RPIA: variants seen among roughly 807,000 people sequenced by gnomAD.
RPIA encodes the protein ribose 5-phosphate isomerase A, also known as ribose-5-phosphate isomerase.
In RPIA, 29 loss-of-function variants were observed where a neutral mutation model predicts 37.8. The observed-to-expected ratio is 0.77, with a 90% CI of 0.57 to 1.05. The LOEUF is 1.05. Ranked by LOEUF, RPIA falls within the 50% of genes least tolerant of loss-of-function variation. RPIA has a pLI of 0.00. For missense variants in RPIA, 385 were observed against 413.6 expected, an observed-to-expected ratio of 0.93 and a Z score of 0.60; for synonymous variants, 167 against 157.0, an observed-to-expected ratio of 1.06 and a Z score of -0.48.
chr2:88,741,302 C>T (rs1250329393), intron 8 of RPIA, among the ~76,000 whole-genome samples: 1 of 152,166 alleles, frequency 6.6e-6, no homozygotes, highest in African/African-American at 2.4e-5. Context: ...TAAGTGAGAA[C>T]ATACGATGTT....
At chr2:88,696,607 A>G (rs972252014) in intron 1 of RPIA, among the ~76,000 whole-genome samples, 18 of 152,160 alleles carry the variant, frequency 1.2e-4, no homozygotes, top group African/African-American at 4.1e-4. Flanking sequence ...TAAAACAAAT[A>G]TATGTCAAAG....
In RPIA at chr2:88,750,035, T is replaced by A; in HGVS notation, c.893T>A (p.Met298Lys). 6.2e-7 allele frequency: 1 copy of A among 1,613,514 alleles called. No individual in the cohort carries two copies. Among genetic ancestry groups the A allele is most frequent in the Non-Finnish European group, 8.5e-7 (1 of 1,179,642 alleles). Residue 298 changes from methionine to lysine, a missense_variant, in exon 9 of 9, where the codon ATG (methionine) becomes AAG (lysine). Around this residue, in one of 2 missense-constraint regions of RPIA, gnomAD observed 153 missense variants for 210.6 expected, o/e 0.73. Transcript: ENST00000283646. ...INMAERVYFG[M>K]QDGSVNMREK... ...ATGGCTGAGAGAGTCTACTTTGGGATGCAGGATGGCTCAGTGAACATGAGG... is the reference window on the plus strand; with the variant it reads ...ATGGCTGAGAGAGTCTACTTTGGGAAGCAGGATGGCTCAGTGAACATGAGG...
intron 2 of RPIA, 97 bp downstream of exon 2, chr2:88,698,641 CT>C (rs1331378904): frequency 1.3e-5 from 15 of 1,113,698 alleles, no homozygotes; most frequent in Non-Finnish European, 1.7e-5. Flanking sequence ...TGGCATTGCC[CT>C]TTTGGCTTCA....
intron 3 of RPIA, 87 bp downstream of exon 3, chr2:88,700,151 A>G: frequency 7.9e-7 from 1 of 1,268,806 alleles, no homozygotes; most frequent in Non-Finnish European, 1.2e-6. Flanking sequence ...CTTGTCTTGT[A>G]CCTCAAGGTT....
intron 3 of RPIA, among the ~76,000 whole-genome samples, chr2:88,726,091 G>C (rs1437556614): frequency 6.6e-6 from 1 of 152,182 alleles, no homozygotes; most frequent in Non-Finnish European, 1.5e-5. Flanking sequence ...CTCAGGGCTT[G>C]CAGAAGTTGA....
intron 6 of RPIA, among the ~76,000 whole-genome samples, 153 bp downstream of exon 6, chr2:88,735,890 C>T (rs1358428557): frequency 2.0e-5 from 3 of 152,166 alleles, no homozygotes; most frequent in African/African-American, 7.2e-5. Context: ...TCTAGGAGAC[C>T]TTATGTTCTG....
At chr2:88,699,901 T>G in intron 2 of RPIA, 108 bp from the exon 3 acceptor site, 1 of 1,186,520 alleles carries the variant, frequency 8.4e-7, no homozygotes, top group South Asian at 1.2e-5. Context: ...GGCAGCTGTC[T>G]TTGGGAAATA....
chr2:88,699,730 A>G (rs77005942), intron 2 of RPIA, among the ~76,000 whole-genome samples: 2,808 of 152,348 alleles, frequency 0.018, 36 homozygotes, highest in Non-Finnish European at 0.029. Flanking sequence ...GTTCATATAT[A>G]CAAAGTTCTT....
intron 3 of RPIA, among the ~76,000 whole-genome samples, chr2:88,725,241 C>T (rs1022195156): frequency 2.6e-5 from 4 of 152,112 alleles, no homozygotes; most frequent in African/African-American, 9.7e-5. Flanking sequence ...GCTGCATATG[C>T]TCACTGAGCC....
intron 2 of RPIA, among the ~76,000 whole-genome samples, chr2:88,698,791 G>A (rs192682335): frequency 8.9e-4 from 135 of 152,328 alleles, no homozygotes; most frequent in African/African-American, 3.1e-3. Context: ...AGCTGGAGGG[G>A]AGGAGCTGAC....
intron 8 of RPIA, among the ~76,000 whole-genome samples, chr2:88,748,186 C>T (rs1309976720): frequency 3.3e-5 from 5 of 152,204 alleles, no homozygotes; most frequent in Admixed American, 1.3e-4. Context: ...CAACTCCTCC[C>T]GCCCCACCCC....
chr2:88,691,791 G>A lies in RPIA; in HGVS notation c.93G>A (p.Gly31=), dbSNP rs567952611. Reference sequence around the variant, plus strand: ...GGGGCGCGGCCTCCGGCGGAGGAGGGAACAGCTGGGACCTCCCGGGTTCCC... The same window carrying A: ...GGGGCGCGGCCTCCGGCGGAGGAGGAAACAGCTGGGACCTCCCGGGTTCCC... ...RAGGAASGGG[G]NSWDLPGSHV... Residue 31 remains glycine (G), a synonymous_variant, in exon 1 of 9, where the codon GGG becomes GGA. Transcript: ENST00000283646. 76 of 1,593,912 alleles carry A rather than the reference G, an allele frequency of 4.8e-5. No homozygotes were observed. Among genetic ancestry groups the A allele is most frequent in the Middle Eastern group, 3.9e-4 (2 of 5,104 alleles).
chr2:88,691,920 G>C lies in RPIA; in HGVS notation c.222G>C (p.Thr74=). 1 of 1,596,530 alleles carries C rather than the reference G, an allele frequency of 6.3e-7. No homozygotes were observed. Among genetic ancestry groups the C allele is most frequent in the South Asian group, 1.1e-5 (1 of 88,178 alleles). The change falls in exon 1 of 9, where the codon ACG becomes ACC. Residue 74 remains threonine (T), a synonymous_variant. Transcript: ENST00000283646. ...DSNSICPAPS[T]MSKAEEAKKL... ...ACAGCATCTGCCCGGCCCCCTCCAC[G>C]ATGTCCAAGGCCGAGGAGGCCAAGA... is the stretch of plus-strand genomic sequence containing the variant.
intron 1 of RPIA, among the ~76,000 whole-genome samples, 186 bp downstream of exon 1, chr2:88,692,169 T>A (rs1676945152): frequency 6.6e-6 from 1 of 152,284 alleles, no homozygotes; most frequent in Admixed American, 6.5e-5. Context: ...ACCTTTTAGA[T>A]GTGGAATCGG....
At chr2:88,709,214 A>G (rs1253766996) in intron 3 of RPIA, among the ~76,000 whole-genome samples, 2 of 152,324 alleles carry the variant, frequency 1.3e-5, no homozygotes, top group East Asian at 3.9e-4. Flanking sequence ...TGTAATTTGG[A>G]AGGAGTTCCC....
chr2:88,721,581 C>A (rs916922762), intron 3 of RPIA, among the ~76,000 whole-genome samples: 4 of 122,208 alleles, frequency 3.3e-5, no homozygotes, highest in African/African-American at 1.2e-4. Flanking sequence ...ACCCCCCCCC[C>A]CACATGCACA....
intron 3 of RPIA, among the ~76,000 whole-genome samples, chr2:88,706,144 G>A (rs369042056): frequency 9.9e-5 from 15 of 152,112 alleles, no homozygotes; most frequent in African/African-American, 3.1e-4. Flanking sequence ...AAGATGGTGC[G>A]GCGATTTCTC....
chr2:88,746,576 G>A (rs1673440085), intron 8 of RPIA, among the ~76,000 whole-genome samples: 1 of 152,194 alleles, frequency 6.6e-6, no homozygotes, highest in Admixed American at 6.5e-5. Flanking sequence ...GGCTGGTATT[G>A]GGGAATGTCT....
At chr2:88,699,428 C>T (rs1672801864) in intron 2 of RPIA, among the ~76,000 whole-genome samples, 1 of 150,362 alleles carries the variant, frequency 6.7e-6, no homozygotes, top group Admixed American at 6.6e-5. Context: ...TCAAACTTTC[C>T]TGAAAGGTAC....
Sources: gnomAD v4.1 joint callset for allele counts (sites outside exome capture counted in the v4.1 genomes callset) on GRCh38, gnomAD v4.1.1 for gene constraint, gnomAD v4.1.1 regional missense constraint, MANE v1.5 for transcripts, NCBI Gene and HGNC (gene_info 2026-07-23, HGNC 2026-07-21) for gene names.